CPNE4: variants seen among roughly 807,000 people sequenced by gnomAD.
CPNE4 encodes copine-4.
Under a neutral mutation model 67.9 loss-of-function variants are expected in CPNE4, and 25 were observed. The observed-to-expected ratio is 0.37, with a 90% CI of 0.27 to 0.51. The LOEUF (loss-of-function observed/expected upper bound fraction) is 0.51, where lower values mean the gene tolerates loss of function less well. CPNE4 is among the 20% of genes least tolerant of loss of function. The probability of loss-of-function intolerance (pLI) is 0.93; values close to 1 mark genes in which losing one functional copy is unlikely to be tolerated. For missense variants in CPNE4, 464 were observed against 690.8 expected, an observed-to-expected ratio of 0.67 and a Z score of 3.68; for synonymous variants, 242 against 244.9, an observed-to-expected ratio of 0.99 and a Z score of 0.11.
At chr3:131,805,825 C>G (rs2084288650) in intron 2 of CPNE4, among the ~76,000 whole-genome samples, 1 of 152,146 alleles carries the variant, frequency 6.6e-6, no homozygotes, top group South Asian at 2.1e-4. Context: ...CTGGTTGAGG[C>G]AGTCACAAAG....
intron 7 of CPNE4, among the ~76,000 whole-genome samples, chr3:131,656,181 T>C (rs1168774442): frequency 6.6e-6 from 1 of 151,826 alleles, no homozygotes; most frequent in Admixed American, 6.6e-5. Flanking sequence ...TCCCTATGGC[T>C]GGTGGAGGGA....
Position 131,861,696 on chromosome 3 carries a change from G to C in CPNE4, c.180+43568C>G, listed in dbSNP as rs536087130. On this transcript the variant is annotated intron_variant, in intron 2 of 15. Transcript: ENST00000429747. The stretch of plus-strand genomic sequence containing the variant: ...GATCCACCGGCCTCGGCCTCACAAA[G>C]TGCTGGGATTACAGACATGAGCCAC... 1.8e-4 allele frequency among the ~76,000 whole-genome samples: 28 copies of C among 152,268 alleles called. 1 individual carries two copies. In the East Asian group the frequency reaches 4.6e-3, roughly 25 times the overall value.
intron 2 of CPNE4, among the ~76,000 whole-genome samples, chr3:131,801,347 A>ATG (rs1200956090): frequency 1.0e-5 from 1 of 99,290 alleles, no homozygotes; most frequent in African/African-American, 3.2e-5. Context: ...ATATATATAT[A>ATG]TATGTACCAT....
At chr3:131,571,965 T>C (rs1382407590) in intron 10 of CPNE4, among the ~76,000 whole-genome samples, 1 of 152,106 alleles carries the variant, frequency 6.6e-6, no homozygotes, top group Non-Finnish European at 1.5e-5. Flanking sequence ...TTATGGGGGA[T>C]GCTTTTTAAA....
intron 2 of CPNE4, among the ~76,000 whole-genome samples, chr3:131,796,869 C>T (rs913997031): frequency 1.3e-5 from 2 of 152,252 alleles, no homozygotes; most frequent in Non-Finnish European, 2.9e-5. Flanking sequence ...GAATAATACA[C>T]ACATAGTCTT....
At chr3:132,031,459 T>A (rs1419767174) in intron 1 of CPNE4, among the ~76,000 whole-genome samples, 2 of 152,232 alleles carry the variant, frequency 1.3e-5, no homozygotes, top group Non-Finnish European at 2.9e-5. Flanking sequence ...AATACAAAGA[T>A]GCATGAAGTG....
chr3:131,884,714 G>C (rs917615036), intron 2 of CPNE4, among the ~76,000 whole-genome samples: 2 of 152,134 alleles, frequency 1.3e-5, no homozygotes, highest in African/African-American at 4.8e-5. Context: ...CCTCCATACT[G>C]TTCTCACGGT....
At chr3:131,911,113 T>A (rs1028958316) in intron 1 of CPNE4, among the ~76,000 whole-genome samples, 10 of 152,112 alleles carry the variant, frequency 6.6e-5, no homozygotes, top group Non-Finnish European at 2.9e-5. Flanking sequence ...TAGAATGTCA[T>A]CTCTGCCTTT....
chr3:131,685,497 A>C (rs572869713), intron 6 of CPNE4, among the ~76,000 whole-genome samples: 1 of 152,070 alleles, frequency 6.6e-6, no homozygotes, highest in East Asian at 1.9e-4. Flanking sequence ...TAAGAAGTAA[A>C]AGGAGGCTGG....
chr3:131,819,840 AATG>A (rs1185232295), intron 2 of CPNE4, among the ~76,000 whole-genome samples: 1 of 152,170 alleles, frequency 6.6e-6, no homozygotes, highest in African/African-American at 2.4e-5. Context: ...CAACCTAAAC[AATG>A]ATGTGGAAAG....
At chr3:131,592,367 A>C (rs1009885858) in intron 7 of CPNE4, among the ~76,000 whole-genome samples, 3 of 152,222 alleles carry the variant, frequency 2.0e-5, no homozygotes, top group Admixed American at 6.5e-5. Context: ...CCTTGAAATA[A>C]AGGAAGTTAA....
intron 6 of CPNE4, among the ~76,000 whole-genome samples, chr3:131,673,876 T>C (rs2080490593): frequency 6.6e-6 from 1 of 152,136 alleles, no homozygotes; most frequent in East Asian, 1.9e-4. Flanking sequence ...AAAGTGGGCA[T>C]CCTTGTCTTT....
intron 2 of CPNE4, among the ~76,000 whole-genome samples, chr3:131,845,680 C>T (rs1482839102): frequency 6.6e-6 from 1 of 152,096 alleles, no homozygotes; most frequent in African/African-American, 2.4e-5. Flanking sequence ...ACAATAAGCA[C>T]TTAATAAACA....
chr3:131,559,392 A>G (rs944059534), intron 11 of CPNE4, among the ~76,000 whole-genome samples: 1 of 152,024 alleles, frequency 6.6e-6, no homozygotes, highest in Non-Finnish European at 1.5e-5. Flanking sequence ...AGTAATAGGT[A>G]GCACTCATCC....
intron 14 of CPNE4, among the ~76,000 whole-genome samples, chr3:131,544,334 A>AT (rs547386332): frequency 0.012 from 1,859 of 152,074 alleles, 49 homozygotes; most frequent in African/African-American, 0.042. Flanking sequence ...AAAGAATTTC[A>AT]TTTTTTTTCT....
At chr3:131,846,149 T>C (rs1286826786) in intron 2 of CPNE4, among the ~76,000 whole-genome samples, 1 of 152,206 alleles carries the variant, frequency 6.6e-6, no homozygotes, top group African/African-American at 2.4e-5. Flanking sequence ...TAAAATTTCC[T>C]ATATGTAAAA....
At chr3:131,551,479 A>G (rs1035614148) in intron 13 of CPNE4, among the ~76,000 whole-genome samples, 2 of 152,024 alleles carry the variant, frequency 1.3e-5, no homozygotes, top group Non-Finnish European at 2.9e-5. Flanking sequence ...TGTGGGGGAA[A>G]CCACTCTTAC....
At chr3:131,681,023 T>A (rs1426633678) in intron 6 of CPNE4, among the ~76,000 whole-genome samples, 3 of 152,236 alleles carry the variant, frequency 2.0e-5, no homozygotes, top group African/African-American at 7.2e-5. Flanking sequence ...CTAAGTAGTA[T>A]TCCATGGTAT....
At chr3:131,851,213 T>C (rs2086231119) in intron 2 of CPNE4, among the ~76,000 whole-genome samples, 2 of 152,116 alleles carry the variant, frequency 1.3e-5, no homozygotes, top group African/African-American at 4.8e-5. Flanking sequence ...GTGAGTGATT[T>C]ATAAGGACCT....
Sources: gnomAD v4.1 joint callset for allele counts (sites outside exome capture counted in the v4.1 genomes callset) on GRCh38, gnomAD v4.1.1 for gene constraint, MANE v1.5 for transcripts, NCBI Gene and HGNC (gene_info 2026-07-23, HGNC 2026-07-21) for gene names.